ARMH4: variants seen among roughly 807,000 people sequenced by gnomAD.
The protein encoded by ARMH4 is armadillo like helical domain containing 4.
ARMH4 carries 49 observed loss-of-function variants against 61.9 expected under a neutral mutation model. That is an observed-to-expected ratio of 0.79 (90% confidence interval 0.63 to 1.00). The LOEUF is 1.00. ARMH4 is among the 50% of genes least tolerant of loss of function. The probability of loss-of-function intolerance (pLI) is 0.00; values close to 1 mark genes in which losing one functional copy is unlikely to be tolerated. For missense variants in ARMH4, 934 were observed against 930.0 expected (o/e 1.00, Z -0.06); for synonymous variants, 368 against 341.5 (o/e 1.08, Z -0.85).
intron 4 of ARMH4, among the ~76,000 whole-genome samples, chr14:58,109,559 A>G (rs1886279852): frequency 6.6e-6 from 1 of 152,174 alleles, no homozygotes; most frequent in African/African-American, 2.4e-5. Flanking sequence ...AATATCTGTT[A>G]GGGTATTTAC....
At chr14:58,078,552 CCCATGTACCAA>C (rs576612136) in intron 5 of ARMH4, among the ~76,000 whole-genome samples, 13 of 152,214 alleles carry the variant, frequency 8.5e-5, no homozygotes, top group Non-Finnish European at 1.3e-4. Context: ...CCTACTTCTG[CCCATGTACCAA>C]CCATGTACCA....
chr14:58,014,686 G>A (rs1033095022), intron 5 of ARMH4, among the ~76,000 whole-genome samples: 12 of 152,218 alleles, frequency 7.9e-5, no homozygotes, highest in African/African-American at 2.2e-4. Flanking sequence ...CATTGTGTTC[G>A]ATCAGGCATT....
intron 4 of ARMH4, among the ~76,000 whole-genome samples, chr14:58,107,671 G>A (rs1886208217): frequency 1.3e-5 from 2 of 151,088 alleles, no homozygotes; most frequent in Admixed American, 1.3e-4. Flanking sequence ...GGCTGATGCA[G>A]GAGAATCGCT....
intron 1 of ARMH4, among the ~76,000 whole-genome samples, chr14:58,147,548 C>T (rs919426277): frequency 2.0e-5 from 3 of 152,098 alleles, no homozygotes; most frequent in Admixed American, 6.5e-5. Context: ...CTCTTGACCT[C>T]ATGATCCGCC....
chr14:58,043,566 A>C (rs1162712844), intron 5 of ARMH4, among the ~76,000 whole-genome samples: 2 of 152,180 alleles, frequency 1.3e-5, no homozygotes, highest in African/African-American at 4.8e-5. Flanking sequence ...GTCCTCTCTC[A>C]CCACTCCTAT....
At chr14:58,039,302 C>T (rs1162081003) in intron 5 of ARMH4, among the ~76,000 whole-genome samples, 2 of 152,172 alleles carry the variant, frequency 1.3e-5, no homozygotes, top group African/African-American at 2.4e-5. Context: ...GGTGTTTCTC[C>T]CTATAAATCT....
chr14:58,049,531 G>T (rs1884065662), intron 5 of ARMH4, among the ~76,000 whole-genome samples: 1 of 152,114 alleles, frequency 6.6e-6, no homozygotes, highest in Non-Finnish European at 1.5e-5. Context: ...TTTCTCTGGG[G>T]TGATTCAATC....
intron 2 of ARMH4, among the ~76,000 whole-genome samples, chr14:58,136,823 G>A (rs1479548954): frequency 6.6e-6 from 1 of 152,110 alleles, no homozygotes; most frequent in Non-Finnish European, 1.5e-5. Flanking sequence ...ATTCACGGAT[G>A]CAAAGGCCAA....
chr14:58,149,197 T>G (rs1887844917), intron 1 of ARMH4, among the ~76,000 whole-genome samples: 2 of 152,236 alleles, frequency 1.3e-5, no homozygotes, highest in African/African-American at 4.8e-5. Context: ...TTATAAAGAC[T>G]CTCACTCTAT....
chr14:58,070,491 T>C (rs1171613726), intron 5 of ARMH4, among the ~76,000 whole-genome samples: 3 of 152,184 alleles, frequency 2.0e-5, no homozygotes, highest in African/African-American at 7.2e-5. Flanking sequence ...CCATGGCTCC[T>C]CCCAGAATAT....
chr14:58,028,628 A>T (rs1452691128), intron 5 of ARMH4, among the ~76,000 whole-genome samples: 4 of 152,164 alleles, frequency 2.6e-5, no homozygotes, highest in Non-Finnish European at 5.9e-5. Context: ...TCTTGATGCC[A>T]TGTTGGTGTT....
At chr14:58,017,816 A>G (rs1446382099) in intron 5 of ARMH4, among the ~76,000 whole-genome samples, 1 of 152,210 alleles carries the variant, frequency 6.6e-6, no homozygotes, top group African/African-American at 2.4e-5. Flanking sequence ...AGCTAAAGCA[A>G]TCTTCAACAG....
chr14:58,119,313 G>A (rs980468), intron 4 of ARMH4, among the ~76,000 whole-genome samples: 89,122 of 152,068 alleles, frequency 0.59, 26,611 homozygotes, highest in Middle Eastern at 0.68. Flanking sequence ...AGTTGATACT[G>A]TCCACACATT....
intron 5 of ARMH4, among the ~76,000 whole-genome samples, chr14:58,079,548 A>G (rs1305756519): frequency 6.6e-6 from 1 of 152,190 alleles, no homozygotes; most frequent in Admixed American, 6.5e-5. Flanking sequence ...AGCTTCCAAC[A>G]CATAAATTTC....
chr14:58,104,006 CT>C (rs1886085864), intron 4 of ARMH4, among the ~76,000 whole-genome samples: 1 of 152,142 alleles, frequency 6.6e-6, no homozygotes, highest in Non-Finnish European at 1.5e-5. Context: ...ATCCTATTAT[CT>C]ATCCCAAAGA....
Position 58,138,996 on chromosome 14 carries a change from T to C in ARMH4, c.363A>G (p.Ser121=). ...VSTPTESGVP[S]AEEVFGSSQP... is the part of the protein sequence containing the mutation. Reference sequence around the variant, plus strand: ...GGCTGGAACCAAATACTTCTTCAGCTGAGGGGACACCTGACTCAGTAGGTG... The same window carrying C: ...GGCTGGAACCAAATACTTCTTCAGCCGAGGGGACACCTGACTCAGTAGGTG... The change falls in exon 2 of 8, where the codon TCA becomes TCG. Residue 121 remains serine (S), a synonymous_variant. Transcript: ENST00000267485. 1 of 1,614,232 alleles carries C rather than the reference T, an allele frequency of 6.2e-7. No individual in the cohort carries two copies. The highest frequency in any genetic ancestry group is 8.5e-7 in the Non-Finnish European group (1 of 1,180,028).
chr14:58,125,221 C>T (rs1019438515), intron 4 of ARMH4, among the ~76,000 whole-genome samples: 1 of 152,008 alleles, frequency 6.6e-6, no homozygotes, highest in Non-Finnish European at 1.5e-5. Context: ...GGGGTAATCC[C>T]CTCCGAGAAA....
intron 2 of ARMH4, among the ~76,000 whole-genome samples, chr14:58,136,818 CG>C (rs1887317269): frequency 6.6e-6 from 1 of 152,136 alleles, no homozygotes; most frequent in African/African-American, 2.4e-5. Context: ...ATAATATTCA[CG>C]GATGCAAAGG....
chr14:58,068,507 A>G (rs1377723835), intron 5 of ARMH4, among the ~76,000 whole-genome samples: 1 of 152,140 alleles, frequency 6.6e-6, no homozygotes, highest in South Asian at 2.1e-4. Context: ...CTGACAACCA[A>G]TGCATTTGGG....
Sources: allele counts gnomAD v4.1 joint callset (sites outside exome capture counted in the v4.1 genomes callset), GRCh38; gene constraint gnomAD v4.1.1; transcripts MANE v1.5; gene names NCBI Gene and HGNC (gene_info 2026-07-23, HGNC 2026-07-21).